Variants in KIF11 observed in about 807,000 individuals in gnomAD.
The protein encoded by KIF11 is kinesin-like protein KIF11.
In KIF11, 9 loss-of-function variants were observed where a neutral mutation model predicts 121.0. That is an observed-to-expected ratio of 0.07 (90% CI 0.04 to 0.13). The LOEUF (loss-of-function observed/expected upper bound fraction) is 0.13, where lower values mean the gene tolerates loss of function less well. Among genes scored for constraint, KIF11 ranks in the 10% least tolerant of loss-of-function variants. The pLI is 1.00. For missense variants in KIF11, 846 were observed against 1,217.5 expected (o/e 0.69, Z 4.54); for synonymous variants, 408 against 421.0 (o/e 0.97, Z 0.38).
At position 92,613,113 on chromosome 10, in the gene KIF11, A is replaced by G. The variant is rs138194310; in HGVS notation, c.772A>G (p.Ile258Val). ...TTIDGEELVK[I>V]GKLNLVDLAG... The stretch of plus-strand genomic sequence containing the variant: ...GATTGATGGAGAAGAGCTTGTTAAA[A>G]TCGGAAAGTTGAACTTGGTAAGCAT... Residue 258 changes from isoleucine (I) to valine (V), a missense_variant, in exon 7 of 22, where the codon ATC becomes GTC. Coordinates refer to ENST00000260731, the MANE Select transcript of KIF11 (RefSeq NM_004523.4). This position sits in a 1 kb window ranked among gnomAD's most constrained non-coding sequence, Gnocchi z 4.2. 1 of 1,611,062 alleles carries G rather than the reference A, an allele frequency of 6.2e-7. No homozygotes were observed. The highest frequency in any genetic ancestry group is 8.5e-7 in the Non-Finnish European group (1 of 1,177,430).
intron 1 of KIF11, among the ~76,000 whole-genome samples, chr10:92,602,821 CACACGTGTGT>C (rs959221587): frequency 2.8e-5 from 3 of 106,524 alleles, no homozygotes; most frequent in African/African-American, 1.8e-4. Flanking sequence ...CACACACACA[CACACGTGTGT>C]GTGTGTGTGT....
At position 92,639,801 on chromosome 10, in the gene KIF11, G is replaced by T; in HGVS notation, c.2168G>T (p.Cys723Phe). The T allele has an allele frequency of 6.3e-7, 1 of 1,598,064 alleles. No homozygotes were observed. ...TIKQTHSQELCKLMNLWTERF... is the reference protein window; with the variant it reads ...TIKQTHSQELFKLMNLWTERF... ...CCCACACCTTTCTTACAGGAACTTT[G>T]CAAGTTAATGAATCTTTGGACAGAG... The change falls in exon 17 of 22, where the codon TGC becomes TTC. Residue 723 changes from cysteine (C) to phenylalanine (F), a missense_variant. Physicochemically the swap from Cys to Phe is radical, Grantham distance 205 (BLOSUM62 -2). Coordinates refer to ENST00000260731, the MANE Select transcript of KIF11 (RefSeq NM_004523.4).
Position 92,645,389 on chromosome 10 carries a change from T to C in KIF11, c.2294T>C (p.Met765Thr). ...QQKSKDIVNK[M>T]TFHSQKFCAD... ...AAATCTAAGGATATAGTCAACAAAA[T>C]GACTTTTCACAGTCAAAAATTTTGT... The change falls in exon 18 of 22, where the codon ATG (methionine) becomes ACG (threonine). Residue 765 changes from methionine to threonine, a missense_variant. Met to Thr is a moderately conservative substitution (Grantham distance 81). Around this residue, in one of 5 missense-constraint regions of KIF11, gnomAD observed 492 missense variants for 603.4 expected, o/e 0.82. Coordinates refer to ENST00000260731, the MANE Select transcript of KIF11 (RefSeq NM_004523.4). The C allele has an allele frequency of 6.2e-7, 1 of 1,611,826 alleles. No individual in the cohort carries two copies. Among genetic ancestry groups the C allele is most frequent in the Non-Finnish European group, 8.5e-7 (1 of 1,178,590 alleles).
At chr10:92,631,768 C>T (rs1348749415) in intron 12 of KIF11, among the ~76,000 whole-genome samples, 4 of 151,902 alleles carry the variant, frequency 2.6e-5, no homozygotes, top group Admixed American at 6.6e-5. Context: ...CTTTGCCTCC[C>T]GGGTTCAAGC....
intron 9 of KIF11, among the ~76,000 whole-genome samples, chr10:92,617,214 A>G (rs1434762047): frequency 6.6e-6 from 1 of 152,210 alleles, no homozygotes; most frequent in Non-Finnish European, 1.5e-5. Context: ...AAAATTTGTT[A>G]TCACTATCCA....
intron 13 of KIF11, among the ~76,000 whole-genome samples, 167 bp downstream of exon 13, chr10:92,632,860 C>T (rs1844754285): frequency 6.6e-6 from 1 of 152,140 alleles, no homozygotes; most frequent in Non-Finnish European, 1.5e-5. Context: ...TGAATTAAAA[C>T]AAATCTTTTT....
chr10:92,593,988 C>T (rs1439239550), intron 1 of KIF11, among the ~76,000 whole-genome samples: 3 of 152,176 alleles, frequency 2.0e-5, no homozygotes, highest in Non-Finnish European at 4.4e-5. Context: ...GCAGTTTTCC[C>T]TTTCATCTGC....
intron 1 of KIF11, among the ~76,000 whole-genome samples, chr10:92,597,519 C>T (rs1450931721): frequency 1.3e-5 from 2 of 152,092 alleles, no homozygotes; most frequent in African/African-American, 4.8e-5. Flanking sequence ...CCCATTTTGG[C>T]CTCCCAAAGT....
At chr10:92,647,426 A>G (rs1844931548) in intron 18 of KIF11, among the ~76,000 whole-genome samples, 1 of 152,180 alleles carries the variant, frequency 6.6e-6, no homozygotes, top group Admixed American at 6.5e-5. Context: ...AGGTGTCCCA[A>G]TTTGGATGAT....
chr10:92,620,858 C>T (rs964956901), intron 9 of KIF11, among the ~76,000 whole-genome samples: 1 of 152,330 alleles, frequency 6.6e-6, no homozygotes, highest in African/African-American at 2.4e-5. Context: ...CAGTCATCTC[C>T]CACCAGGTCC....
chr10:92,642,271 A>G (rs1027364165), intron 17 of KIF11, among the ~76,000 whole-genome samples: 1 of 152,154 alleles, frequency 6.6e-6, no homozygotes, highest in Non-Finnish European at 1.5e-5. Context: ...AGTATTTTTT[A>G]GCTGGCATTC....
At chr10:92,620,844 G>A (rs978691754) in intron 9 of KIF11, among the ~76,000 whole-genome samples, 4 of 152,188 alleles carry the variant, frequency 2.6e-5, no homozygotes, top group African/African-American at 9.6e-5. Context: ...CCGCCCCTAC[G>A]ATTCAGTCAT....
At chr10:92,630,797 G>A (rs1238153660) in intron 12 of KIF11, among the ~76,000 whole-genome samples, 1 of 145,686 alleles carries the variant, frequency 6.9e-6, no homozygotes, top group African/African-American at 2.6e-5. Context: ...AACCCGGGAG[G>A]CAGAGGTTGC....
chr10:92,599,455 G>A (rs1295358936), intron 1 of KIF11, among the ~76,000 whole-genome samples: 2 of 150,232 alleles, frequency 1.3e-5, no homozygotes, highest in Non-Finnish European at 3.0e-5. Flanking sequence ...AACCTGGAAG[G>A]TGGAGGTTGT....
At position 92,648,386 on chromosome 10, in the gene KIF11, A is replaced by C; in HGVS notation, c.2722A>C (p.Lys908Gln). 1 of 1,612,488 alleles carries C rather than the reference A, an allele frequency of 6.2e-7. No homozygotes were observed. Among genetic ancestry groups the C allele is most frequent in the Non-Finnish European group, 8.5e-7 (1 of 1,179,062 alleles). The part of the protein sequence containing the change: ...LNETIKIGLT[K>Q]LNCFLEQDLK... ...TGAAACCATAAAAATTGGTTTGACT[A>C]AGCTTAATTGCTTTCTGGAACAGGA... Residue 908 changes from lysine to glutamine, a missense_variant, in exon 19 of 22, where the codon AAG becomes CAG. Around this residue, in one of 5 missense-constraint regions of KIF11, gnomAD observed 492 missense variants for 603.4 expected, o/e 0.82. Transcript: ENST00000260731.
chr10:92,654,109 G>GA lies in KIF11; in HGVS notation c.*313_*314insA. The GA allele has an allele frequency of 4.7e-6, 1 of 211,788 alleles. No individual in the cohort carries two copies. The highest frequency in any genetic ancestry group is 9.7e-6 in the Non-Finnish European group (1 of 103,260). The allele number at this position is 211,788 out of a possible 1,614,324, so 13.1% of individuals were successfully genotyped here. A position where few individuals can be genotyped will look rare whatever the true frequency, so the allele number is the denominator to read the frequency against. The stretch of plus-strand genomic sequence containing the variant: ...GAGAATCACTTGAACCCAGGAAGCG[G>GA]GGTTGCAGTGAGCCAAAGGTACACC... On this transcript the variant is annotated 3_prime_UTR_variant, in exon 22 of 22. Transcript: ENST00000260731.
Position 92,654,672 on chromosome 10 carries a change from C to G in KIF11, c.*876C>G, listed in dbSNP as rs559578777. On this transcript the variant is annotated 3_prime_UTR_variant, in exon 22 of 22. Coordinates refer to ENST00000260731, the MANE Select transcript of KIF11 (RefSeq NM_004523.4). ...CCTTTTTAGTGGTTATTTCTAAAAT[C>G]ACTGTCAACAATAAATCTAACCCTA... is the stretch of plus-strand genomic sequence containing the variant. 13 of 152,286 alleles carry G rather than the reference C, an allele frequency of 8.5e-5. No homozygotes were observed. The highest frequency in any genetic ancestry group is 8.3e-4 in the South Asian group (4 of 4,820). 9.4% of individuals were successfully genotyped at this position (152,286 alleles called of 1,614,324 possible).
rs1035422524 is a variant in KIF11, at chr10:92,593,405, G to A, written c.30G>A (p.Lys10=). MASQPNSSA[K]KKEEKGKNIQ... Reference sequence around the variant, plus strand: ...CGTCGCAGCCAAATTCGTCTGCGAAGAAGAAAGAGGAGAAGGGGAAGAACA... The same window carrying A: ...CGTCGCAGCCAAATTCGTCTGCGAAAAAGAAAGAGGAGAAGGGGAAGAACA... Residue 10 remains lysine (K), a synonymous_variant, in exon 1 of 22, where the codon AAG becomes AAA. Transcript: ENST00000260731. 1.9e-6 allele frequency: 3 copies of A among 1,611,136 alleles called. No individual in the cohort carries two copies. The African/African-American group carries it at 4.0e-5, about 22-fold the overall frequency.
At chr10:92,646,097 A>G (rs1589607193) in intron 18 of KIF11, among the ~76,000 whole-genome samples, 2 of 151,950 alleles carry the variant, frequency 1.3e-5, no homozygotes, top group Admixed American at 1.3e-4. Context: ...GATTATAGGC[A>G]CCTGCCACCA....
Sources: allele counts gnomAD v4.1 joint callset (sites outside exome capture counted in the v4.1 genomes callset), GRCh38; gene constraint gnomAD v4.1.1; regional missense constraint gnomAD v4.1.1; non-coding constraint Gnocchi (gnomAD v3.1); transcripts MANE v1.5; gene names NCBI Gene and HGNC (gene_info 2026-07-23, HGNC 2026-07-21).